Variants in USH2A observed in about 807,000 individuals in gnomAD.
USH2A encodes usherin.
A neutral mutation model predicts 538.9 loss-of-function variants in USH2A; 443 were observed. That is an observed-to-expected ratio of 0.82 (90% CI 0.76 to 0.89). The LOEUF (loss-of-function observed/expected upper bound fraction) is 0.89, where lower values mean the gene tolerates loss of function less well. Among genes scored for constraint, USH2A ranks in the 40% least tolerant of loss-of-function variants. USH2A has a pLI of 0.00. For missense variants in USH2A, 6,633 were observed against 6,324.8 expected, an observed-to-expected ratio of 1.05 and a Z score of -1.65; for synonymous variants, 2,413 against 2,273.5, an observed-to-expected ratio of 1.06 and a Z score of -1.75.
intron 40 of USH2A, among the ~76,000 whole-genome samples, chr1:215,893,352 G>A (rs930668272): frequency 6.6e-6 from 1 of 152,120 alleles, no homozygotes; most frequent in Non-Finnish European, 1.5e-5. Flanking sequence ...TTTAAGATTT[G>A]AGAATTAAAA....
At chr1:216,130,211 G>A (rs2033342144) in intron 21 of USH2A, among the ~76,000 whole-genome samples, 1 of 151,816 alleles carries the variant, frequency 6.6e-6, no homozygotes, top group Admixed American at 6.6e-5. Flanking sequence ...TTGGTTACAT[G>A]AGTAAGTTCT....
At chr1:215,706,549 A>G (rs1659189799) in intron 61 of USH2A, among the ~76,000 whole-genome samples, 1 of 152,174 alleles carries the variant, frequency 6.6e-6, no homozygotes, top group Non-Finnish European at 1.5e-5. Flanking sequence ...TCCACAATTC[A>G]CTTGTACCAG....
intron 27 of USH2A, among the ~76,000 whole-genome samples, chr1:216,076,980 G>A (rs1490320407): frequency 6.6e-6 from 1 of 152,130 alleles, no homozygotes; most frequent in African/African-American, 2.4e-5. Context: ...ACTGTAAAAA[G>A]GAGAGTTGAC....
chr1:216,082,093 A>C (rs1198977920), intron 26 of USH2A, among the ~76,000 whole-genome samples: 3 of 152,074 alleles, frequency 2.0e-5, no homozygotes, highest in Non-Finnish European at 4.4e-5. Context: ...TCCACAGTGT[A>C]TGCACATGTA....
At chr1:216,360,594 TGGTGA>T (rs1378199442) in intron 4 of USH2A, among the ~76,000 whole-genome samples, 1 of 152,004 alleles carries the variant, frequency 6.6e-6, no homozygotes, top group African/African-American at 2.4e-5. Flanking sequence ...TATACCGCTC[TGGTGA>T]GGGATATTGA....
At chr1:215,850,589 A>G (rs1663990767) in intron 44 of USH2A, among the ~76,000 whole-genome samples, 2 of 152,148 alleles carry the variant, frequency 1.3e-5, no homozygotes, top group Non-Finnish European at 1.5e-5. Context: ...GCAACATAAT[A>G]ATAGCAGGGG....
chr1:215,999,534 T>C (rs1457292169), intron 33 of USH2A, among the ~76,000 whole-genome samples: 2 of 152,138 alleles, frequency 1.3e-5, no homozygotes, highest in Non-Finnish European at 2.9e-5. Context: ...ACTACTTAGA[T>C]ACATAAGATT....
At chr1:216,217,826 A>G (rs2035373942) in intron 14 of USH2A, among the ~76,000 whole-genome samples, 1 of 152,136 alleles carries the variant, frequency 6.6e-6, no homozygotes, top group African/African-American at 2.4e-5. Flanking sequence ...GCTTTTTTAC[A>G]TCCCACAATA....
At chr1:215,785,175 G>A (rs976877623) in intron 52 of USH2A, among the ~76,000 whole-genome samples, 1 of 152,152 alleles carries the variant, frequency 6.6e-6, no homozygotes, top group Non-Finnish European at 1.5e-5. Flanking sequence ...AGAAGAGCTG[G>A]AACAAGTGTC....
At chr1:215,691,084 A>G (rs935138137) in intron 61 of USH2A, among the ~76,000 whole-genome samples, 4 of 152,032 alleles carry the variant, frequency 2.6e-5, no homozygotes, top group African/African-American at 9.7e-5. Flanking sequence ...GGGTTTCATC[A>G]TATTGGCCAG....
intron 37 of USH2A, among the ~76,000 whole-genome samples, chr1:215,964,637 C>T (rs1667290717): frequency 6.6e-6 from 1 of 152,096 alleles, no homozygotes; most frequent in African/African-American, 2.4e-5. Context: ...ATAGTAAGGC[C>T]ACTCCTGGAA....
At chr1:216,200,977 A>ATCCCTCCCTCCC (rs58287796) in intron 16 of USH2A, among the ~76,000 whole-genome samples, 86 of 50,082 alleles carry the variant, frequency 1.7e-3, no homozygotes, top group Non-Finnish European at 2.4e-3. Context: ...CCCCCCATCC[A>ATCCCTCCCTCCC]TCCCTCCCTC....
intron 61 of USH2A, among the ~76,000 whole-genome samples, chr1:215,696,290 A>G (rs1658805293): frequency 6.6e-6 from 1 of 152,170 alleles, no homozygotes; most frequent in African/African-American, 2.4e-5. Context: ...AGGAGAAGGA[A>G]GAGGAGGAAT....
In USH2A at chr1:215,682,754, T is replaced by TTA. The variant is rs34449137; in HGVS notation, c.12067-2379_12067-2378insTA. Among the ~76,000 whole-genome samples, 45 of 14,584 alleles carry TTA rather than the reference T, an allele frequency of 3.1e-3. 1 individual carries two copies. In the East Asian group the frequency reaches 0.1, roughly 33 times the overall value. 9.6% of individuals were successfully genotyped at this position (14,584 alleles called of 152,430 possible). ...TTGCTTAACCTGGTCTACATGTATC[T>TTA]AAAAAAAAAAGGGAGAGAAATAACC... On this transcript the variant is annotated intron_variant, in intron 61 of 71. Coordinates refer to ENST00000307340, the MANE Select transcript of USH2A (RefSeq NM_206933.4).
At chr1:215,699,668 A>G (rs1289683346) in intron 61 of USH2A, among the ~76,000 whole-genome samples, 1 of 152,082 alleles carries the variant, frequency 6.6e-6, no homozygotes, top group Admixed American at 6.6e-5. Context: ...TTGATTTTGT[A>G]TCCTGAGAAT....
intron 26 of USH2A, among the ~76,000 whole-genome samples, chr1:216,083,133 C>T (rs1222140482): frequency 4.0e-5 from 6 of 151,862 alleles, no homozygotes; most frequent in Non-Finnish European, 8.8e-5. Flanking sequence ...AATATATATG[C>T]TTTCAAAACT....
chr1:215,675,134 C>A lies in USH2A; in HGVS notation c.12777G>T (p.Leu4259Phe). The A allele has an allele frequency of 6.2e-7, 1 of 1,614,088 alleles. No individual in the cohort carries two copies. Among genetic ancestry groups the A allele is most frequent in the Non-Finnish European group, 8.5e-7 (1 of 1,180,002 alleles). The change falls in exon 63 of 72, where the codon TTG becomes TTT. Residue 4259 changes from leucine (L) to phenylalanine (F), a missense_variant. Transcript: ENST00000307340. ...GAGAGAGACCTTCTGGAGGTGCTTGCAATGTCCTCACCACATTCCAAGAGC... is the reference window on the plus strand; with the variant it reads ...GAGAGAGACCTTCTGGAGGTGCTTGAAATGTCCTCACCACATTCCAAGAGC... ...TCSSWNVVRT[L>F]QAPPEGLSPP... is the part of the protein sequence containing the mutation.
chr1:216,048,426 A>G, intron 31 of USH2A, 108 bp downstream of exon 31: 1 of 1,143,012 alleles, frequency 8.7e-7, no homozygotes, highest in Non-Finnish European at 1.3e-6. Context: ...CTTTGTCATC[A>G]AATTAGGTTG....
At chr1:215,866,009 G>C (rs966386194) in intron 44 of USH2A, among the ~76,000 whole-genome samples, 1 of 152,152 alleles carries the variant, frequency 6.6e-6, no homozygotes, top group African/African-American at 2.4e-5. Context: ...AACCAGTAGT[G>C]ACTTTTCATC....
Sources: allele counts gnomAD v4.1 joint callset (sites outside exome capture counted in the v4.1 genomes callset), GRCh38; gene constraint gnomAD v4.1.1; transcripts MANE v1.5; gene names NCBI Gene and HGNC (gene_info 2026-07-23, HGNC 2026-07-21).